FAM227A: variants seen among roughly 807,000 people sequenced by gnomAD.
FAM227A encodes the protein family with sequence similarity 227 member A, also known as protein FAM227A.
In FAM227A, 80 loss-of-function variants were observed where a neutral mutation model predicts 74.7. That is an observed-to-expected ratio of 1.07 (90% CI 0.89 to 1.29). The LOEUF is 1.29. FAM227A is among the 50% of genes most tolerant of loss of function. The pLI, the probability that FAM227A is intolerant of heterozygous loss-of-function variation, is 0.00. For synonymous variants in FAM227A, 237 were observed against 241.8 expected, an observed-to-expected ratio of 0.98 and a Z score of 0.19; for missense variants, 654 against 683.4, an observed-to-expected ratio of 0.96 and a Z score of 0.48.
At chr22:38,619,758 G>A in intron 11 of FAM227A, among the ~76,000 whole-genome samples, 1 of 152,166 alleles carries the variant, frequency 6.6e-6, no homozygotes. Flanking sequence ...GGTGCCTACT[G>A]CAGTAGTGAT....
intron 6 of FAM227A, among the ~76,000 whole-genome samples, chr22:38,630,842 C>A (rs60696943): frequency 0.015 from 2,269 of 152,230 alleles, 55 homozygotes; most frequent in African/African-American, 0.05. Flanking sequence ...ATCTCATCTG[C>A]GCTTCAGGTC....
chr22:38,633,192 TCCTTTCGAAGACGGGGC>T (rs2091944772), intron 6 of FAM227A, among the ~76,000 whole-genome samples: 1 of 151,896 alleles, frequency 6.6e-6, no homozygotes. Context: ...TAGAAGAAGG[TCCTTTCGAAGACGGGGC>T]ACAAATTTGC....
chr22:38,590,416 G>A lies in FAM227A; in HGVS notation c.1638+1019C>T, dbSNP rs961339500. On this transcript the variant is annotated intron_variant, in intron 16 of 16. Coordinates refer to ENST00000535113, the MANE Select transcript of FAM227A (RefSeq NM_001013647.2). ...TGGCTTTTTAGGTCAGGACTATAAGGAGACAGACTTGGGCTGTCCATGGCC... is the reference window on the plus strand; with the variant it reads ...TGGCTTTTTAGGTCAGGACTATAAGAAGACAGACTTGGGCTGTCCATGGCC... 1.4e-4 allele frequency among the ~76,000 whole-genome samples: 21 copies of A among 152,234 alleles called. No homozygotes were observed. In the East Asian group the frequency reaches 1.5e-3, roughly 11 times the overall value.
At position 38,578,369 on chromosome 22, in the gene FAM227A, CTGTG is replaced by C. The variant is rs2090679346; in HGVS notation, c.*7752_*7755del. On this transcript the variant is annotated 3_prime_UTR_variant, in exon 17 of 17. Coordinates refer to ENST00000535113, the MANE Select transcript of FAM227A (RefSeq NM_001013647.2). ...TGAAACATCGTTACGTGGTGCATGA[CTGTG>C]TGTATGTATACACACACATACATGT... The C allele has an allele frequency of 6.6e-6, 1 of 152,158 alleles. No homozygotes were observed. The highest frequency in any genetic ancestry group is 2.4e-5 in the African/African-American group (1 of 41,438). 9.4% of individuals were successfully genotyped at this position (152,158 alleles called of 1,614,324 possible).
At chr22:38,630,264 G>A (rs975201023) in intron 6 of FAM227A, among the ~76,000 whole-genome samples, 1 of 152,220 alleles carries the variant, frequency 6.6e-6, no homozygotes, top group African/African-American at 2.4e-5. Context: ...AGGTAAGATC[G>A]ACATGCATGG....
intron 16 of FAM227A, among the ~76,000 whole-genome samples, chr22:38,589,250 CAAAGGA>C (rs2146129691): frequency 6.6e-6 from 1 of 152,244 alleles, no homozygotes; most frequent in African/African-American, 2.4e-5. Flanking sequence ...TAGGGAGAGG[CAAAGGA>C]AGACTACCCT....
At chr22:38,604,711 T>G (rs1206743616) in intron 13 of FAM227A, among the ~76,000 whole-genome samples, 8 of 152,214 alleles carry the variant, frequency 5.3e-5, no homozygotes, top group Non-Finnish European at 8.8e-5. Flanking sequence ...TGGAGTGCAG[T>G]GGCGCGATCT....
intron 3 of FAM227A, among the ~76,000 whole-genome samples, chr22:38,641,992 C>T (rs191253990): frequency 6.0e-5 from 9 of 150,354 alleles, no homozygotes; most frequent in Non-Finnish European, 8.9e-5. Context: ...TGTGTGTGCG[C>T]GTGTGTTTGA....
chr22:38,634,911 C>T (rs757656597), intron 6 of FAM227A, among the ~76,000 whole-genome samples: 1 of 151,930 alleles, frequency 6.6e-6, no homozygotes, highest in African/African-American at 2.4e-5. Context: ...CAGATGGGAC[C>T]GACATAGCCC....
intron 6 of FAM227A, among the ~76,000 whole-genome samples, chr22:38,631,391 G>T (rs2091913031): frequency 6.6e-6 from 1 of 152,004 alleles, no homozygotes; most frequent in African/African-American, 2.4e-5. Context: ...TCTCAAAAGG[G>T]GGAGGATGAT....
Position 38,583,003 on chromosome 22 carries a change from G to C in FAM227A, c.*3122C>G. On this transcript the variant is annotated 3_prime_UTR_variant, in exon 17 of 17. Coordinates refer to ENST00000535113, the MANE Select transcript of FAM227A (RefSeq NM_001013647.2). ...ATTTTCAGGTCCAGAAGCAGCAACA[G>C]ACAAAAGATCCAGAAATAGGAAAGT... 6.5e-7 allele frequency: 1 copy of C among 1,531,934 alleles called. No homozygotes were observed. Among genetic ancestry groups the C allele is most frequent in the Non-Finnish European group, 8.8e-7 (1 of 1,131,492 alleles). The allele number at this position is 1,531,934 out of a possible 1,614,324, so 94.9% of individuals were successfully genotyped here.
Position 38,591,488 on chromosome 22 carries a change from T to A in FAM227A, c.1585A>T (p.Met529Leu). The A allele has an allele frequency of 6.4e-7, 1 of 1,550,582 alleles. No individual in the cohort carries two copies. Among genetic ancestry groups the A allele is most frequent in the Admixed American group, 2.0e-5 (1 of 50,688 alleles). Residue 529 changes from methionine (M) to leucine (L), a missense_variant, in exon 16 of 17, where the codon ATG becomes TTG. Met to Leu is a conservative substitution (Grantham distance 15). Transcript: ENST00000535113. Reference sequence around the variant, plus strand: ...TTGACGGCTGAAGGTGGGATGAACATGTGGTTTGCCTTTTTTGTATCTGCT... The same window carrying A: ...TTGACGGCTGAAGGTGGGATGAACAAGTGGTTTGCCTTTTTTGTATCTGCT... The part of the protein sequence containing the change: ...KAADTKKANH[M>L]FIPPSAVNEE...
At chr22:38,638,721 A>G (rs993512186) in intron 5 of FAM227A, 25 bp downstream of exon 5, 3 of 1,511,268 alleles carry the variant, frequency 2.0e-6, no homozygotes, top group Non-Finnish European at 2.7e-6. Context: ...CCGGTCAGAA[A>G]CAGACACAGC....
At chr22:38,623,925 A>G (rs184445869) in intron 9 of FAM227A, among the ~76,000 whole-genome samples, 1 of 152,300 alleles carries the variant, frequency 6.6e-6, no homozygotes, top group Admixed American at 6.5e-5. Flanking sequence ...TTGAGCCACT[A>G]TGCAAAGCTG....
chr22:38,612,743 GT>G (rs574238683), intron 11 of FAM227A, among the ~76,000 whole-genome samples: 60 of 152,076 alleles, frequency 3.9e-4, no homozygotes, highest in Admixed American at 6.6e-4. Flanking sequence ...GGAGCAACTG[GT>G]TTTTCAAGGA....
chr22:38,624,708 G>A (rs2091761046), intron 9 of FAM227A, among the ~76,000 whole-genome samples: 1 of 152,162 alleles, frequency 6.6e-6, no homozygotes, highest in South Asian at 2.1e-4. Context: ...TCCCTGGGCA[G>A]AAGCAACACA....
chr22:38,610,984 C>T (rs141354466), intron 11 of FAM227A, among the ~76,000 whole-genome samples: 9 of 152,010 alleles, frequency 5.9e-5, no homozygotes, highest in East Asian at 5.8e-4. Flanking sequence ...CATTGGAACC[C>T]GGGAGGCAGA....
At chr22:38,650,747 C>G (rs931837963) in intron 1 of FAM227A, among the ~76,000 whole-genome samples, 59 of 152,134 alleles carry the variant, frequency 3.9e-4, no homozygotes, top group African/African-American at 1.4e-3. Context: ...GCTTTCTGCT[C>G]CCTCTCAGAA....
chr22:38,592,430 T>A (rs968935566), intron 15 of FAM227A, among the ~76,000 whole-genome samples: 2 of 152,254 alleles, frequency 1.3e-5, no homozygotes, highest in African/African-American at 4.8e-5. Context: ...ATATTCTATA[T>A]GAATTTAATG....
Sources: allele counts gnomAD v4.1 joint callset (sites outside exome capture counted in the v4.1 genomes callset), GRCh38; gene constraint gnomAD v4.1.1; transcripts MANE v1.5; gene names NCBI Gene and HGNC (gene_info 2026-07-23, HGNC 2026-07-21).